Variants in CTNNB1 observed in about 807,000 individuals in gnomAD.
CTNNB1 encodes the protein catenin beta-1.
CTNNB1 carries 6 observed loss-of-function variants against 82.5 expected under a neutral mutation model. The observed-to-expected ratio is 0.07, with a 90% CI of 0.04 to 0.14. The LOEUF (loss-of-function observed/expected upper bound fraction) is 0.14. Among genes scored for constraint, CTNNB1 ranks in the 10% least tolerant of loss-of-function variants. The pLI is 1.00. For synonymous variants in CTNNB1, 312 were observed against 329.7 expected (o/e 0.95, Z 0.58); for missense variants, 529 against 980.4 (o/e 0.54, Z 6.15).
At chr3:41,227,390 ATCTG>A in intron 7 of CTNNB1, 38 bp downstream of exon 7, 6 of 1,606,294 alleles carry the variant, frequency 3.7e-6, no homozygotes, top group Non-Finnish European at 4.3e-6. Context: ...TGTGTATAGC[ATCTG>A]CAGTTCTAAT....
At chr3:41,206,329 G>C (rs925739412) in intron 1 of CTNNB1, among the ~76,000 whole-genome samples, 2 of 152,056 alleles carry the variant, frequency 1.3e-5, no homozygotes, top group African/African-American at 2.4e-5. Flanking sequence ...AGCCAAAGAC[G>C]TACAAAAAAG....
intron 7 of CTNNB1, among the ~76,000 whole-genome samples, chr3:41,232,943 A>G (rs2078344949): frequency 6.6e-6 from 1 of 152,170 alleles, no homozygotes; most frequent in Admixed American, 6.5e-5. Flanking sequence ...TAGATCATAA[A>G]TTCTGAGGGT....
chr3:41,218,723 A>G (rs1025980336), intron 1 of CTNNB1, among the ~76,000 whole-genome samples: 5 of 152,152 alleles, frequency 3.3e-5, no homozygotes, highest in Non-Finnish European at 5.9e-5. Context: ...ATAAGTTTTA[A>G]AAATAGTATT....
intron 1 of CTNNB1, chr3:41,210,952 G>A (rs2077768824): frequency 2.2e-6 from 1 of 445,736 alleles, no homozygotes; most frequent in African/African-American, 2.0e-5. Flanking sequence ...CACCATGCCT[G>A]GCTAATTAAA....
chr3:41,208,539 G>T (rs1212499510), intron 1 of CTNNB1, among the ~76,000 whole-genome samples: 1 of 152,120 alleles, frequency 6.6e-6, no homozygotes, highest in Admixed American at 6.5e-5. Flanking sequence ...ATCCCATTGG[G>T]ACCTACAGTT....
chr3:41,224,696 GTCC>G lies in CTNNB1; in HGVS notation c.186_188del (p.Leu63del), dbSNP rs748083020. 5.0e-6 allele frequency: 8 copies of G among 1,614,018 alleles called. No individual in the cohort carries two copies. ...GGAAGAGGATGTGGATACCTCCCAAGTCCTGTATGAGTGGGAACAGGGATTTTC... is the reference window on the plus strand; with the variant it reads ...GGAAGAGGATGTGGATACCTCCCAAGTGTATGAGTGGGAACAGGGATTTTC... On this transcript the variant is annotated inframe_deletion, in exon 3 of 15. Coordinates refer to ENST00000349496, the MANE Select transcript of CTNNB1 (RefSeq NM_001904.4).
chr3:41,227,738 GTTTTAAC>G (rs2078211114), intron 7 of CTNNB1, among the ~76,000 whole-genome samples: 1 of 151,520 alleles, frequency 6.6e-6, no homozygotes, highest in African/African-American at 2.4e-5. Context: ...TTTTTGTTTT[GTTTTAAC>G]TTTTAGGTTC....
rs141271073 is a variant in CTNNB1 at position 41,215,925 on chromosome 3, T to G, written c.-48-8096T>G. ...AGTCACTGTTGAAAGGATATAGTTCTTTACTATTACATGTGATACCTTTAT... is the reference window on the plus strand; with the variant it reads ...AGTCACTGTTGAAAGGATATAGTTCGTTACTATTACATGTGATACCTTTAT... On this transcript the variant is annotated intron_variant, in intron 1 of 14. Coordinates refer to ENST00000349496, the MANE Select transcript of CTNNB1 (RefSeq NM_001904.4). Among the ~76,000 whole-genome samples the G allele has an allele frequency of 1.6e-3, 249 of 152,302 alleles. 2 individuals carry two copies. Among genetic ancestry groups the G allele is most frequent in the African/African-American group, 5.6e-3 (233 of 41,562 alleles).
intron 1 of CTNNB1, 62 bp downstream of exon 1, chr3:41,199,732 C>T (rs2077477588): frequency 6.6e-6 from 1 of 152,390 alleles, no homozygotes; most frequent in Non-Finnish European, 1.5e-5. Context: ...CGGAGCCAAA[C>T]TTCGTAGCAG....
Position 41,239,550 on chromosome 3 carries a change from T to A in CTNNB1, c.*208T>A, listed in dbSNP as rs1229958365. ...TTTCTGGTTGTTATGTGATCATGTGTGGAAGTTATTAACTTTAATGTTTTT... is the reference window on the plus strand; with the variant it reads ...TTTCTGGTTGTTATGTGATCATGTGAGGAAGTTATTAACTTTAATGTTTTT... On this transcript the variant is annotated 3_prime_UTR_variant, in exon 15 of 15. Transcript: ENST00000349496. 3.4e-6 allele frequency: 2 copies of A among 593,716 alleles called. No homozygotes were observed. The highest frequency in any genetic ancestry group is 6.0e-6 in the Non-Finnish European group (2 of 333,500). 36.8% of individuals were successfully genotyped at this position (593,716 alleles called of 1,614,324 possible). A position where few individuals can be genotyped will look rare whatever the true frequency, so the allele number is the denominator to read the frequency against.
chr3:41,201,228 A>G (rs529858108), intron 1 of CTNNB1, among the ~76,000 whole-genome samples: 2 of 152,138 alleles, frequency 1.3e-5, no homozygotes, highest in Non-Finnish European at 2.9e-5. Flanking sequence ...TTTATGTTAT[A>G]CTGCTGGTTT....
chr3:41,207,324 T>G (rs1188901949), intron 1 of CTNNB1, among the ~76,000 whole-genome samples: 8 of 152,324 alleles, frequency 5.3e-5, no homozygotes, highest in Middle Eastern at 6.8e-3. Flanking sequence ...TTCTCATGCT[T>G]GAAGAGCGCC....
At chr3:41,230,728 C>T (rs994360806) in intron 7 of CTNNB1, among the ~76,000 whole-genome samples, 19 of 152,128 alleles carry the variant, frequency 1.2e-4, no homozygotes, top group South Asian at 4.2e-4. Flanking sequence ...GAGAGGGAAC[C>T]GTCTCTTGTC....
Position 41,233,513 on chromosome 3 carries a change from GT to G in CTNNB1, c.1186-11del, listed in dbSNP as rs1195585179. On this transcript the variant is annotated splice_polypyrimidine_tract_variant and intron_variant, in intron 8 of 14. Transcript: ENST00000349496. ...GAGTATGTGCTTGTACTGACCATCT[GT>G]TTTTATCTCCATAGGAAGGGATGGA... The G allele has an allele frequency of 6.2e-7, 1 of 1,613,774 alleles. No individual in the cohort carries two copies. Among genetic ancestry groups the G allele is most frequent in the South Asian group, 1.1e-5 (1 of 91,064 alleles).
intron 7 of CTNNB1, among the ~76,000 whole-genome samples, chr3:41,229,194 T>C (rs914465163): frequency 6.6e-6 from 1 of 152,212 alleles, no homozygotes; most frequent in Non-Finnish European, 1.5e-5. Flanking sequence ...TCAGGCTCTT[T>C]TTTGGGTTCA....
At chr3:41,234,689 C>T (rs567018026) in intron 10 of CTNNB1, 18 of 208,522 alleles carry the variant, frequency 8.6e-5, no homozygotes, top group Admixed American at 2.6e-4. Flanking sequence ...TTTAGCAGTC[C>T]GTTTTATTAT....
intron 10 of CTNNB1, 121 bp from the exon 11 acceptor site, chr3:41,235,603 G>A: frequency 7.6e-7 from 1 of 1,317,950 alleles, no homozygotes; most frequent in South Asian, 1.2e-5. Flanking sequence ...CTTCCTTCCT[G>A]AACTAATTGC....
chr3:41,238,824 A>C (rs918454911), intron 14 of CTNNB1, among the ~76,000 whole-genome samples: 1 of 152,168 alleles, frequency 6.6e-6, no homozygotes, highest in Non-Finnish European at 1.5e-5. Context: ...TCTCCTCGGG[A>C]ACCCCAAGTC....
At chr3:41,229,016 G>T (rs972319599) in intron 7 of CTNNB1, among the ~76,000 whole-genome samples, 4 of 151,704 alleles carry the variant, frequency 2.6e-5, no homozygotes, top group African/African-American at 9.7e-5. Flanking sequence ...TTACTTGTTA[G>T]GTGTGCGGCC....
Sources: allele counts gnomAD v4.1 joint callset (sites outside exome capture counted in the v4.1 genomes callset), GRCh38; gene constraint gnomAD v4.1.1; transcripts MANE v1.5; gene names NCBI Gene and HGNC (gene_info 2026-07-23, HGNC 2026-07-21).